The following RABGAP1L variants were observed in gnomAD, a reference collection of about 807,000 sequenced individuals.
RABGAP1L encodes rab GTPase-activating protein 1-like.
Under a neutral mutation model 137.7 loss-of-function variants are expected in RABGAP1L, and 63 were observed. That is an observed-to-expected ratio of 0.46 (90% CI 0.37 to 0.56). The LOEUF is 0.56. Among genes scored for constraint, RABGAP1L ranks in the 20% least tolerant of loss-of-function variants. The probability of loss-of-function intolerance (pLI) is 0.00; values close to 1 mark genes in which losing one functional copy is unlikely to be tolerated. For missense variants in RABGAP1L, 1,095 were observed against 1,244.0 expected (o/e 0.88, Z 1.80); for synonymous variants, 431 against 433.7 (o/e 0.99, Z 0.08).
intron 2 of RABGAP1L, among the ~76,000 whole-genome samples, chr1:174,220,111 A>G (rs1263036173): frequency 6.6e-6 from 1 of 152,130 alleles, no homozygotes; most frequent in Non-Finnish European, 1.5e-5. Flanking sequence ...TTAAGACATC[A>G]CTTATTTGCT....
At chr1:174,599,115 A>G (rs56138951) in intron 13 of RABGAP1L, among the ~76,000 whole-genome samples, 9,327 of 151,886 alleles carry the variant, frequency 0.061, 406 homozygotes, top group Admixed American at 0.095. Flanking sequence ...TAGGTATTTC[A>G]GGGTTACCAC....
At chr1:174,231,121 G>A (rs767775966) in intron 3 of RABGAP1L, 24 bp from the exon 4 acceptor site, 3 of 1,546,674 alleles carry the variant, frequency 1.9e-6, no homozygotes, top group Non-Finnish European at 2.7e-6. Context: ...TGACTTTTGA[G>A]TGTTTCTTTT....
At chr1:174,493,934 A>G (rs1572045424) in intron 13 of RABGAP1L, among the ~76,000 whole-genome samples, 1 of 152,220 alleles carries the variant, frequency 6.6e-6, no homozygotes, top group Admixed American at 6.5e-5. Context: ...ACATCTTGAC[A>G]TTGTTTCACA....
chr1:174,170,555 A>G (rs1418341978), intron 1 of RABGAP1L, among the ~76,000 whole-genome samples: 1 of 151,748 alleles, frequency 6.6e-6, no homozygotes, highest in African/African-American at 2.4e-5. Flanking sequence ...TGTGCCTGTA[A>G]TCCCAGCTGC....
At chr1:174,503,195 G>A (rs1476675289) in intron 13 of RABGAP1L, among the ~76,000 whole-genome samples, 1 of 152,196 alleles carries the variant, frequency 6.6e-6, no homozygotes, top group Non-Finnish European at 1.5e-5. Flanking sequence ...TTGGAACACA[G>A]CTACTCCTGT....
chr1:174,578,211 G>A (rs1347037193), intron 13 of RABGAP1L, among the ~76,000 whole-genome samples: 1 of 152,066 alleles, frequency 6.6e-6, no homozygotes, highest in African/African-American at 2.4e-5. Context: ...TATTGAGACA[G>A]TCTCACTCTG....
chr1:174,563,718 T>C (rs917551820), intron 13 of RABGAP1L, among the ~76,000 whole-genome samples: 2 of 152,116 alleles, frequency 1.3e-5, no homozygotes, highest in African/African-American at 4.8e-5. Flanking sequence ...GGGAAAATGA[T>C]TTCACTTAAT....
intron 11 of RABGAP1L, among the ~76,000 whole-genome samples, chr1:174,347,607 C>T (rs1025465287): frequency 6.6e-6 from 1 of 152,054 alleles, no homozygotes; most frequent in Non-Finnish European, 1.5e-5. Context: ...ATTCTCCTGC[C>T]TCTGCCTCCT....
intron 14 of RABGAP1L, among the ~76,000 whole-genome samples, chr1:174,666,941 A>G (rs1383691592): frequency 2.7e-5 from 4 of 149,076 alleles, no homozygotes; most frequent in African/African-American, 9.9e-5. Context: ...GTGAAAATTT[A>G]TTTTCAATGT....
intron 15 of RABGAP1L, among the ~76,000 whole-genome samples, chr1:174,684,003 G>A (rs890878844): frequency 6.6e-6 from 1 of 152,026 alleles, no homozygotes; most frequent in African/African-American, 2.4e-5. Context: ...ATCATTTATT[G>A]AGCATCAATT....
intron 13 of RABGAP1L, among the ~76,000 whole-genome samples, chr1:174,602,472 C>T (rs190607606): frequency 6.6e-6 from 1 of 152,286 alleles, no homozygotes; most frequent in East Asian, 1.9e-4. Context: ...ATTCAATTAC[C>T]TCCACCTGGG....
At chr1:174,644,804 G>A (rs551880309) in intron 14 of RABGAP1L, among the ~76,000 whole-genome samples, 9 of 152,048 alleles carry the variant, frequency 5.9e-5, no homozygotes, top group African/African-American at 1.9e-4. Flanking sequence ...TCCTCTTCCC[G>A]CACCTTTAAA....
At chr1:174,534,632 G>A (rs1043751870) in intron 13 of RABGAP1L, among the ~76,000 whole-genome samples, 13 of 151,464 alleles carry the variant, frequency 8.6e-5, no homozygotes, top group Admixed American at 5.3e-4. Context: ...AAAATTAGCC[G>A]GGCATGGTGT....
chr1:174,970,929 CT>C lies in RABGAP1L; in HGVS notation c.2544+1552del, dbSNP rs932143898. ...TGATAAAGTATTTTTTTAAAAAATA[CT>C]TTTTTTTTTCTGTAAACAGTAAACA... On this transcript the variant is annotated intron_variant, in intron 21 of 25. Coordinates refer to ENST00000681986, the MANE Select transcript of RABGAP1L (RefSeq NM_001366446.1). Among the ~76,000 whole-genome samples the C allele has an allele frequency of 4.8e-3, 710 of 148,296 alleles. 4 individuals are homozygous for C. Among genetic ancestry groups the C allele is most frequent in the Non-Finnish European group, 4.4e-3 (292 of 66,858 alleles).
chr1:174,931,168 A>G (rs987789457), intron 19 of RABGAP1L, among the ~76,000 whole-genome samples: 4 of 152,188 alleles, frequency 2.6e-5, no homozygotes, highest in Admixed American at 6.5e-5. Flanking sequence ...GGGAATGAAT[A>G]TGTGTCCAGC....
intron 18 of RABGAP1L, among the ~76,000 whole-genome samples, chr1:174,753,647 G>A (rs924129882): frequency 2.0e-5 from 3 of 152,032 alleles, no homozygotes; most frequent in Non-Finnish European, 4.4e-5. Context: ...CATGGGTTTT[G>A]ACCTCTAATT....
At chr1:174,580,735 C>T (rs1339082305) in intron 13 of RABGAP1L, among the ~76,000 whole-genome samples, 2 of 152,034 alleles carry the variant, frequency 1.3e-5, no homozygotes, top group African/African-American at 4.8e-5. Context: ...ACATATGTAA[C>T]TAACCTGCAT....
intron 3 of RABGAP1L, among the ~76,000 whole-genome samples, chr1:174,223,925 A>G (rs1669969316): frequency 1.3e-5 from 2 of 152,348 alleles, no homozygotes; most frequent in Admixed American, 6.5e-5. Flanking sequence ...ATTTCAGTAT[A>G]TGACAGAATT....
chr1:174,197,166 C>T (rs1176007985), intron 1 of RABGAP1L, among the ~76,000 whole-genome samples: 1 of 152,192 alleles, frequency 6.6e-6, no homozygotes, highest in Non-Finnish European at 1.5e-5. Context: ...TTCTCTTTCT[C>T]AGCAACTTTA....
Sources: allele counts gnomAD v4.1 joint callset (sites outside exome capture counted in the v4.1 genomes callset), GRCh38; gene constraint gnomAD v4.1.1; transcripts MANE v1.5; gene names NCBI Gene and HGNC (gene_info 2026-07-23, HGNC 2026-07-21).